Variants in PTGES observed in about 807,000 individuals in gnomAD.
PTGES encodes the protein MGST1-like 1.
PTGES carries 3 observed loss-of-function variants against 11.8 expected under a neutral mutation model. The ratio of observed to expected loss-of-function variants is 0.25; its 90% CI spans 0.12 to 0.66. PTGES has a LOEUF of 0.66. Ranked by LOEUF, PTGES falls within the 30% of genes least tolerant of loss-of-function variation. PTGES has a pLI of 0.82. For synonymous variants in PTGES, 94 were observed against 90.4 expected, an observed-to-expected ratio of 1.04 and a Z score of -0.22; for missense variants, 180 against 213.0, an observed-to-expected ratio of 0.85 and a Z score of 0.96.
In PTGES at chr9:129,752,894, C is replaced by T. The variant is rs202175979; in HGVS notation, c.119G>A (p.Arg40Gln). 3.7e-6 allele frequency: 6 copies of T among 1,613,896 alleles called. No individual in the cohort carries two copies. The highest frequency in any genetic ancestry group is 1.7e-5 in the Admixed American group (1 of 60,012). ...CCCCAGGGAGGCACATACCTTCTTC[C>T]GCAGCCTCACTTGGCCCGTGATGAT... is the stretch of plus-strand genomic sequence containing the variant. ...VAIITGQVRL[R>Q]KKAFANPEDA... Residue 40 changes from arginine (R) to glutamine (Q), a missense_variant, in exon 1 of 3, where the codon CGG becomes CAG. Coordinates refer to ENST00000340607, the MANE Select transcript of PTGES (RefSeq NM_004878.5).
intron 2 of PTGES, among the ~76,000 whole-genome samples, chr9:129,744,571 C>CAAA (rs60799589): frequency 6.2e-4 from 31 of 49,874 alleles, no homozygotes; most frequent in Admixed American, 9.5e-4. Flanking sequence ...GACCCTGTCA[C>CAAA]AAAAAAAAAA....
chr9:129,740,644 A>T (rs1832986252), intron 2 of PTGES, among the ~76,000 whole-genome samples: 1 of 152,194 alleles, frequency 6.6e-6, no homozygotes, highest in East Asian at 1.9e-4. Flanking sequence ...TAACCCCACC[A>T]TAAATAAATG....
Position 129,748,566 on chromosome 9 carries a change from G to T in PTGES, c.209+89C>A. 9.7e-6 allele frequency: 10 copies of T among 1,034,764 alleles called. No individual in the cohort carries two copies. In the South Asian group the frequency reaches 1.5e-4, roughly 15 times the overall value. 64.1% of individuals were successfully genotyped at this position (1,034,764 alleles called of 1,614,324 possible). A position where few individuals can be genotyped will look rare whatever the true frequency, so the allele number is the denominator to read the frequency against. Reference sequence around the variant, plus strand: ...GAACACAGAAAACCTCAGCCCCTGGGAGTCCTCCAAGTCCCCTGTGTGCAG... The same window carrying T: ...GAACACAGAAAACCTCAGCCCCTGGTAGTCCTCCAAGTCCCCTGTGTGCAG... On this transcript the variant is annotated intron_variant, in intron 2 of 2. Transcript: ENST00000340607.
chr9:129,747,935 G>A (rs181649969), intron 2 of PTGES, among the ~76,000 whole-genome samples: 1 of 150,000 alleles, frequency 6.7e-6, no homozygotes, highest in Non-Finnish European at 1.5e-5. Context: ...GCTTGAACTC[G>A]GGTGGCGGAG....
rs1015006278 is a variant in PTGES, at chr9:129,739,854, G to A, written c.216C>T (p.His72=). The A allele has an allele frequency of 5.1e-6, 8 of 1,567,300 alleles. No homozygotes were observed. The highest frequency in any genetic ancestry group is 1.9e-5 in the Admixed American group (1 of 52,920). Reference sequence around the variant, plus strand: ...GGTAGATGGTCTCCATGTCGTTCCGGTGGGCCCTGGGGAGACAAGAGGGGT... The same window carrying A: ...GGTAGATGGTCTCCATGTCGTTCCGATGGGCCCTGGGGAGACAAGAGGGGT... ...DPDVERCLRA[H]RNDMETIYPF... is the part of the protein sequence containing the mutation. Residue 72 remains histidine (H), a synonymous_variant, in exon 3 of 3, where the codon CAC becomes CAT. Coordinates refer to ENST00000340607, the MANE Select transcript of PTGES (RefSeq NM_004878.5). This position sits in a 1 kb window ranked among gnomAD's most constrained non-coding sequence, Gnocchi z 5.7.
intron 2 of PTGES, among the ~76,000 whole-genome samples, chr9:129,743,550 G>A (rs1477693079): frequency 3.3e-5 from 5 of 152,178 alleles, no homozygotes; most frequent in Admixed American, 6.6e-5. Context: ...AGGTGACAGC[G>A]GTGAGGACAG....
chr9:129,750,557 G>T (rs972398334), intron 1 of PTGES, among the ~76,000 whole-genome samples: 3 of 152,210 alleles, frequency 2.0e-5, no homozygotes, highest in Non-Finnish European at 4.4e-5. Flanking sequence ...AGTCAGCCAG[G>T]CCAGAGCCAG....
chr9:129,744,746 G>A (rs921957426), intron 2 of PTGES, among the ~76,000 whole-genome samples: 6 of 150,670 alleles, frequency 4.0e-5, no homozygotes, highest in African/African-American at 9.8e-5. Flanking sequence ...GAGTGGTGGC[G>A]CGCACCTGTA....
At chr9:129,749,251 A>T (rs1268341088) in intron 1 of PTGES, among the ~76,000 whole-genome samples, 5 of 151,858 alleles carry the variant, frequency 3.3e-5, no homozygotes, top group Non-Finnish European at 7.4e-5. Flanking sequence ...GTGGTGGCTC[A>T]CGCCTGTGAG....
rs145562888 is a variant in PTGES, at chr9:129,740,878, G to A, written c.210-1018C>T. Among the ~76,000 whole-genome samples the A allele has an allele frequency of 7.9e-5, 12 of 152,312 alleles. No homozygotes were observed. The East Asian group carries it at 2.3e-3, about 29-fold the overall frequency. ...CCCAAGGACAGGCCACGCGTGTGAG[G>A]TGCAGGAACAGAAGCATGTTCTCCG... On this transcript the variant is annotated intron_variant, in intron 2 of 2. Coordinates refer to ENST00000340607, the MANE Select transcript of PTGES (RefSeq NM_004878.5).
intron 2 of PTGES, among the ~76,000 whole-genome samples, chr9:129,740,269 G>C (rs371643932): frequency 1.4e-4 from 21 of 152,266 alleles, no homozygotes; most frequent in African/African-American, 5.1e-4. Context: ...GGAGGAGCTG[G>C]GATTGGAACC....
chr9:129,746,683 G>C (rs972561106), intron 2 of PTGES, among the ~76,000 whole-genome samples: 1 of 152,166 alleles, frequency 6.6e-6, no homozygotes, highest in Non-Finnish European at 1.5e-5. Flanking sequence ...AATGTGTTGA[G>C]ACCCATGAGA....
chr9:129,751,905 A>C (rs1481799152), intron 1 of PTGES, among the ~76,000 whole-genome samples: 7 of 152,220 alleles, frequency 4.6e-5, no homozygotes, highest in Non-Finnish European at 7.3e-5. Context: ...GAGTGAATGC[A>C]GCTGTTCTAC....
At chr9:129,741,877 C>T (rs10760636) in intron 2 of PTGES, among the ~76,000 whole-genome samples, 10,479 of 151,180 alleles carry the variant, frequency 0.069, 460 homozygotes, top group East Asian at 0.2. Context: ...TGTACTCCAG[C>T]CTGGGCAAAA....
chr9:129,748,009 CAAAAAAAAAAAAA>C lies in PTGES; in HGVS notation c.209+633_209+645del, dbSNP rs71497492. 2.6e-4 allele frequency among the ~76,000 whole-genome samples: 6 copies of C among 23,436 alleles called. No homozygotes were observed. The Admixed American group carries it at 3.4e-3, about 13-fold the overall frequency. 15.4% of individuals were successfully genotyped at this position (23,436 alleles called of 152,430 possible). On this transcript the variant is annotated intron_variant, in intron 2 of 2. Coordinates refer to ENST00000340607, the MANE Select transcript of PTGES (RefSeq NM_004878.5). ...TGGGCAACAGAGTGAGACTCTGTCT[CAAAAAAAAAAAAA>C]AAAAAAAAAAAAAAGAGGTATTGAG...
chr9:129,742,649 G>A (rs1054026038), intron 2 of PTGES, among the ~76,000 whole-genome samples: 7 of 152,090 alleles, frequency 4.6e-5, no homozygotes, highest in Admixed American at 1.3e-4. Context: ...TGAGGCGGGC[G>A]GATCACGAGG....
rs1363279813 is a variant in PTGES at position 129,745,299 on chromosome 9, A to C, written c.209+3356T>G. Among the ~76,000 whole-genome samples the C allele has an allele frequency of 6.6e-6, 1 of 152,238 alleles. No individual in the cohort carries two copies. Among genetic ancestry groups the C allele is most frequent in the Non-Finnish European group, 1.5e-5 (1 of 68,048 alleles). On this transcript the variant is annotated intron_variant, in intron 2 of 2. Transcript: ENST00000340607. The surrounding 1 kb of genome is among the most constrained non-coding windows in gnomAD (Gnocchi z 4.2). ...AGGTGGCTAGTCCCTGGCTTCTCCCAGAACTAGGCTCACATTTGGACTGCA... is the reference window on the plus strand; with the variant it reads ...AGGTGGCTAGTCCCTGGCTTCTCCCCGAACTAGGCTCACATTTGGACTGCA...
rs1358562214 is a variant in PTGES, at chr9:129,739,469, C to T, written c.*142G>A. The T allele has an allele frequency of 8.3e-7, 1 of 1,208,038 alleles. No individual in the cohort carries two copies. Among genetic ancestry groups the T allele is most frequent in the Non-Finnish European group, 1.1e-6 (1 of 887,620 alleles). 74.8% of individuals were successfully genotyped at this position (1,208,038 alleles called of 1,614,324 possible). A position where few individuals can be genotyped will look rare whatever the true frequency, so the allele number is the denominator to read the frequency against. On this transcript the variant is annotated 3_prime_UTR_variant, in exon 3 of 3. Coordinates refer to ENST00000340607, the MANE Select transcript of PTGES (RefSeq NM_004878.5). The surrounding 1 kb of genome is among the most constrained non-coding windows in gnomAD (Gnocchi z 5.7). ...GGGCACACACACAGGCCCACTGTGC[C>T]CAGAGACCCACACGCGCAGCAGGCT...
rs45455892 is a variant in PTGES at position 129,738,693 on chromosome 9, G to A, written c.*918C>T. The A allele has an allele frequency of 6.3e-3, 966 of 152,428 alleles. 5 individuals are homozygous for A. Among genetic ancestry groups the A allele is most frequent in the Non-Finnish European group, 0.01 (709 of 68,136 alleles). 9.4% of individuals were successfully genotyped at this position (152,428 alleles called of 1,614,324 possible). ...ATCCAAAGCCAACGGCAAGGGAAGC[G>A]TCAGCGGGGGCAGAGGAGCCAGCCC... On this transcript the variant is annotated 3_prime_UTR_variant, in exon 3 of 3. Coordinates refer to ENST00000340607, the MANE Select transcript of PTGES (RefSeq NM_004878.5). This position sits in a 1 kb window ranked among gnomAD's most constrained non-coding sequence, Gnocchi z 4.2.
Sources: allele counts gnomAD v4.1 joint callset (sites outside exome capture counted in the v4.1 genomes callset), GRCh38; gene constraint gnomAD v4.1.1; non-coding constraint Gnocchi (gnomAD v3.1); transcripts MANE v1.5; gene names NCBI Gene and HGNC (gene_info 2026-07-23, HGNC 2026-07-21).